LHX4: variants seen among roughly 807,000 people sequenced by gnomAD.
LHX4 encodes LIM homeobox 4, also known as LIM/homeobox protein Lhx4.
LHX4 carries 16 observed loss-of-function variants against 39.2 expected under a neutral mutation model. That is an observed-to-expected ratio of 0.41 (90% CI 0.28 to 0.62). The LOEUF is 0.62. LHX4 is among the 20% of genes least tolerant of loss of function. LHX4 has a pLI of 0.33. For missense variants in LHX4, 439 were observed against 511.9 expected (o/e 0.86, Z 1.37); for synonymous variants, 206 against 198.1 (o/e 1.04, Z -0.33).
At chr1:180,229,727 C>G (rs866686214), upstream of LHX4, among the ~76,000 whole-genome samples, 1 of 151,878 alleles carries the variant, frequency 6.6e-6, no homozygotes, top group Non-Finnish European at 1.5e-5. Flanking sequence ...GACGCAGCCC[C>G]GTCCCCGGCC....
intron 1 of LHX4, among the ~76,000 whole-genome samples, chr1:180,235,952 G>C (rs1283809543): frequency 1.3e-5 from 2 of 152,122 alleles, no homozygotes; most frequent in Non-Finnish European, 2.9e-5. Context: ...TAATGAAAAA[G>C]GAAATGAATT....
chr1:180,229,956 A>G (rs868567240), upstream of LHX4, among the ~76,000 whole-genome samples: 26 of 16,566 alleles, frequency 1.6e-3, no homozygotes, highest in South Asian at 8.0e-3. Flanking sequence ...GCGGAGGCGG[A>G]GGCGGGGAGG....
upstream of LHX4, among the ~76,000 whole-genome samples, chr1:180,230,068 C>T (rs1369934342): frequency 2.7e-5 from 4 of 150,936 alleles, no homozygotes; most frequent in East Asian, 2.0e-4. This position sits in a 1 kb window ranked among gnomAD's most constrained non-coding sequence, Gnocchi z 5.8. Context: ...CCACTCCCTC[C>T]GGGGTCGGCT....
In LHX4 at chr1:180,261,628, G is replaced by T. The variant is rs150084224; in HGVS notation, c.249-4764G>T. 1.6e-4 allele frequency among the ~76,000 whole-genome samples: 24 copies of T among 152,298 alleles called. No homozygotes were observed. The East Asian group carries it at 4.4e-3, about 28-fold the overall frequency. ...ACTGCACTCCAGCCTGGGCAACCGA[G>T]TGAGATCCCCTCACCCCTAAAGAAA... On this transcript the variant is annotated intron_variant, in intron 2 of 5. Coordinates refer to ENST00000263726, the MANE Select transcript of LHX4 (RefSeq NM_033343.4).
In LHX4 at chr1:180,234,215, A is replaced by G. The variant is rs1337122054; in HGVS notation, c.76+3610A>G. Reference sequence around the variant, plus strand: ...TATATATATATATATATATATATATATATATAATAGATTGAGATTCTATCA... The same window carrying G: ...TATATATATATATATATATATATATGTATATAATAGATTGAGATTCTATCA... On this transcript the variant is annotated intron_variant, in intron 1 of 5. Transcript: ENST00000263726. The surrounding 1 kb of genome is among the most constrained non-coding windows in gnomAD (Gnocchi z 4.8). 1.4e-5 allele frequency among the ~76,000 whole-genome samples: 1 copy of G among 73,764 alleles called. No individual in the cohort carries two copies. Among genetic ancestry groups the G allele is most frequent in the Non-Finnish European group, 2.5e-5 (1 of 39,956 alleles). The allele number at this position is 73,764 out of a possible 152,430, so 48.4% of individuals were successfully genotyped here.
At chr1:180,231,528 C>G (rs1664179206) in intron 1 of LHX4, among the ~76,000 whole-genome samples, 1 of 146,032 alleles carries the variant, frequency 6.8e-6, no homozygotes, top group African/African-American at 2.5e-5. Flanking sequence ...GGAATCTGTG[C>G]AGAGGCCAGA....
chr1:180,251,527 G>A (rs981581869), intron 2 of LHX4, among the ~76,000 whole-genome samples: 6 of 152,158 alleles, frequency 3.9e-5, no homozygotes, highest in African/African-American at 1.4e-4. Context: ...TGAGGAAAAG[G>A]CCTATCTGTT....
chr1:180,264,373 C>CATA (rs1319205624), intron 2 of LHX4, among the ~76,000 whole-genome samples: 1 of 100,202 alleles, frequency 1.0e-5, no homozygotes, highest in East Asian at 3.0e-4. Flanking sequence ...TATACACACA[C>CATA]ACATAACACA....
rs377166538 is a variant in LHX4 at position 180,252,159 on chromosome 1, C to T, written c.248+3703C>T. ...TGGGGCTCTGGGGCAGCCTGCTCCTCATCCCATCTCATTAGATGTCACCAG... is the reference window on the plus strand; with the variant it reads ...TGGGGCTCTGGGGCAGCCTGCTCCTTATCCCATCTCATTAGATGTCACCAG... On this transcript the variant is annotated intron_variant, in intron 2 of 5. Transcript: ENST00000263726. 2.9e-4 allele frequency among the ~76,000 whole-genome samples: 44 copies of T among 152,308 alleles called. 1 individual carries two copies. In the South Asian group the frequency reaches 6.6e-3, roughly 23 times the overall value.
At chr1:180,260,685 G>C (rs1036014962) in intron 2 of LHX4, among the ~76,000 whole-genome samples, 2 of 151,814 alleles carry the variant, frequency 1.3e-5, no homozygotes, top group South Asian at 2.1e-4. Flanking sequence ...TAACACACTG[G>C]GGGGTGAGGG....
At position 180,271,868 on chromosome 1, in the gene LHX4, C is replaced by T. The variant is rs762641559; in HGVS notation, c.640C>T (p.Arg214Cys). The T allele has an allele frequency of 3.1e-6, 5 of 1,613,574 alleles. No homozygotes were observed. The highest frequency in any genetic ancestry group is 1.1e-5 in the South Asian group (1 of 91,054). ...WFQNRRAKEK[R>C]LKKDAGRHRW... Reference sequence around the variant, plus strand: ...TCAGAACAGAAGGGCCAAAGAGAAACGCCTGAAGAAGGATGCAGGGCGGCA... The same window carrying T: ...TCAGAACAGAAGGGCCAAAGAGAAATGCCTGAAGAAGGATGCAGGGCGGCA... Residue 214 changes from arginine (R) to cysteine (C), a missense_variant, in exon 5 of 6, where the codon CGC (arginine) becomes TGC (cysteine). Arg to Cys is a radical substitution (Grantham distance 180). Coordinates refer to ENST00000263726, the MANE Select transcript of LHX4 (RefSeq NM_033343.4).
intron 2 of LHX4, among the ~76,000 whole-genome samples, chr1:180,257,835 T>C (rs1236676157): frequency 1.3e-5 from 2 of 152,340 alleles, no homozygotes; most frequent in Admixed American, 1.3e-4. Context: ...CCCCACCGAC[T>C]GCCTTCAATA....
chr1:180,260,406 C>G (rs1032385097), intron 2 of LHX4, among the ~76,000 whole-genome samples: 1 of 151,724 alleles, frequency 6.6e-6, no homozygotes, highest in African/African-American at 2.4e-5. Context: ...CCCCTTTCTA[C>G]AGGGTCCAGA....
intron 2 of LHX4, among the ~76,000 whole-genome samples, chr1:180,251,177 GAGGCAC>G (rs1647611847): frequency 6.6e-6 from 1 of 152,220 alleles, no homozygotes; most frequent in Non-Finnish European, 1.5e-5. Context: ...GAGCCTGCCA[GAGGCAC>G]TGGCGCATCA....
At chr1:180,257,090 T>C (rs2149259832) in intron 2 of LHX4, among the ~76,000 whole-genome samples, 1 of 152,318 alleles carries the variant, frequency 6.6e-6, no homozygotes, top group South Asian at 2.1e-4. Context: ...CGTTGCCTCT[T>C]CAAGGAAATC....
At chr1:180,255,609 G>A (rs1164670552) in intron 2 of LHX4, among the ~76,000 whole-genome samples, 2 of 152,218 alleles carry the variant, frequency 1.3e-5, no homozygotes, top group Non-Finnish European at 2.9e-5. Flanking sequence ...CACACTGGTG[G>A]GACCAGGCCC....
Position 180,266,627 on chromosome 1 carries a change from C to T in LHX4, c.451+33C>T. The T allele has an allele frequency of 6.2e-7, 1 of 1,605,074 alleles. No homozygotes were observed. The highest frequency in any genetic ancestry group is 1.1e-5 in the South Asian group (1 of 90,220). On this transcript the variant is annotated intron_variant, in intron 3 of 5. Transcript: ENST00000263726. This position sits in a 1 kb window ranked among gnomAD's most constrained non-coding sequence, Gnocchi z 5.7. ...GCATGGCCCCGCATGGTCCCCTCTCCAGGCCTTTGTTTGGGCCACGCCCTC... is the reference window on the plus strand; with the variant it reads ...GCATGGCCCCGCATGGTCCCCTCTCTAGGCCTTTGTTTGGGCCACGCCCTC...
At chr1:180,270,927 G>A (rs1050521166) in intron 3 of LHX4, 1 of 259,386 alleles carries the variant, frequency 3.9e-6, no homozygotes, top group South Asian at 4.3e-5. Flanking sequence ...TGACATGGCT[G>A]TGGGGAAATG....
chr1:180,244,747 T>A (rs558743493), intron 1 of LHX4, among the ~76,000 whole-genome samples: 25 of 152,346 alleles, frequency 1.6e-4, no homozygotes, highest in African/African-American at 4.6e-4. Context: ...GGAGTTGGGC[T>A]AGCTCCCAGC....
Sources: allele counts gnomAD v4.1 joint callset (sites outside exome capture counted in the v4.1 genomes callset), GRCh38; gene constraint gnomAD v4.1.1; non-coding constraint Gnocchi (gnomAD v3.1); transcripts MANE v1.5; gene names NCBI Gene and HGNC (gene_info 2026-07-23, HGNC 2026-07-21).